The following IQCJ variants were observed in gnomAD, a reference collection of about 807,000 sequenced individuals.
IQCJ encodes IQ domain-containing protein J.
A neutral mutation model predicts 11.0 loss-of-function variants in IQCJ; 9 were observed. The ratio of observed to expected loss-of-function variants is 0.82; its 90% CI spans 0.49 to 1.43. The LOEUF (loss-of-function observed/expected upper bound fraction) is 1.43. Among genes scored for constraint, IQCJ ranks in the 40% most tolerant of loss-of-function variants. The pLI, the probability that IQCJ is intolerant of heterozygous loss-of-function variation, is 0.00. For synonymous variants in IQCJ, 55 were observed against 51.3 expected (o/e 1.07, Z -0.31); for missense variants, 146 against 133.2 (o/e 1.10, Z -0.47).
chr3:159,216,810 A>G (rs1725260575), intron 1 of IQCJ, among the ~76,000 whole-genome samples: 1 of 152,194 alleles, frequency 6.6e-6, no homozygotes, highest in Non-Finnish European at 1.5e-5. Context: ...CCTTGAAGTT[A>G]TCTTTAAAAA....
chr3:159,085,627 G>A lies in IQCJ; in HGVS notation c.9+16186G>A, dbSNP rs545418417. On this transcript the variant is annotated intron_variant, in intron 1 of 3. Transcript: ENST00000397832. ...TTGCCATTCTAACTGGTGTGAGATG[G>A]TATCTCAATGTGGTTTTGATTTGCA... Among the ~76,000 whole-genome samples the A allele has an allele frequency of 3.1e-4, 45 of 146,828 alleles. 1 individual carries two copies. The South Asian group carries it at 4.8e-3, about 16-fold the overall frequency.
chr3:159,162,457 T>A (rs554721626), intron 1 of IQCJ, among the ~76,000 whole-genome samples: 4,388 of 152,278 alleles, frequency 0.029, 204 homozygotes, highest in African/African-American at 0.1. Context: ...TTTCTAGATA[T>A]ACAATCATGT....
chr3:159,188,305 A>T lies in IQCJ; in HGVS notation c.10-57538A>T, dbSNP rs148882431. 2.7e-3 allele frequency among the ~76,000 whole-genome samples: 412 copies of T among 152,084 alleles called. 1 individual carries two copies. The Middle Eastern group carries it at 0.031, about 11-fold the overall frequency. On this transcript the variant is annotated intron_variant, in intron 1 of 3. Coordinates refer to ENST00000397832, the MANE Select transcript of IQCJ (RefSeq NM_001042706.3). ...CACGCCTGTAATCCCAGCTACTTGG[A>T]AGGCTGAGGTAGGAGAATTGCTTGA...
At chr3:159,116,604 C>G (rs1247688426) in intron 1 of IQCJ, among the ~76,000 whole-genome samples, 1 of 115,014 alleles carries the variant, frequency 8.7e-6, no homozygotes, top group Non-Finnish European at 1.8e-5. Flanking sequence ...TTTTAGCATC[C>G]TGCTCATATG....
intron 1 of IQCJ, among the ~76,000 whole-genome samples, chr3:159,245,457 TC>T (rs1418982131): frequency 1.4e-5 from 2 of 146,014 alleles, no homozygotes; most frequent in African/African-American, 2.6e-5. Context: ...AGTCCTGAAT[TC>T]TTTTTTTTTT....
rs578157296 is a variant in IQCJ at position 159,263,551 on chromosome 3, G to A, written c.*820G>A. 6 of 985,266 alleles carry A rather than the reference G, an allele frequency of 6.1e-6. No individual in the cohort carries two copies. Among genetic ancestry groups the A allele is most frequent in the East Asian group, 1.1e-4 (1 of 8,820 alleles). The allele number at this position is 985,266 out of a possible 1,614,324, so 61.0% of individuals were successfully genotyped here. A position where few individuals can be genotyped will look rare whatever the true frequency, so the allele number is the denominator to read the frequency against. ...ATAATTTGTAACCAGTCACTGAAAT[G>A]CTGAAAAGTTAGAGAAATGAAGTAA... is the stretch of plus-strand genomic sequence containing the variant. On this transcript the variant is annotated 3_prime_UTR_variant, in exon 4 of 4. Coordinates refer to ENST00000397832, the MANE Select transcript of IQCJ (RefSeq NM_001042706.3).
At chr3:159,212,970 T>G (rs1725033431) in intron 1 of IQCJ, among the ~76,000 whole-genome samples, 1 of 152,200 alleles carries the variant, frequency 6.6e-6, no homozygotes, top group Admixed American at 6.5e-5. Context: ...TTCTTTCTTT[T>G]TTTCTTTTTG....
chr3:159,115,208 A>G (rs975093302), intron 1 of IQCJ, among the ~76,000 whole-genome samples: 2 of 152,074 alleles, frequency 1.3e-5, no homozygotes, highest in Non-Finnish European at 2.9e-5. Flanking sequence ...TCCGTTTTGG[A>G]TTTGTGAAGG....
chr3:159,071,109 T>C (rs1715534609), intron 1 of IQCJ, among the ~76,000 whole-genome samples: 1 of 151,970 alleles, frequency 6.6e-6, no homozygotes, highest in Non-Finnish European at 1.5e-5. Flanking sequence ...TTATCACATA[T>C]AGAGCTGTGT....
Position 159,167,221 on chromosome 3 carries a change from T to C in IQCJ, c.10-78622T>C, listed in dbSNP as rs569599464. ...CTACTGTGAAATTCTTGTACTTCTATAGCTTTTTATAACATGAGTTTTCAT... is the reference window on the plus strand; with the variant it reads ...CTACTGTGAAATTCTTGTACTTCTACAGCTTTTTATAACATGAGTTTTCAT... On this transcript the variant is annotated intron_variant, in intron 1 of 3. Coordinates refer to ENST00000397832, the MANE Select transcript of IQCJ (RefSeq NM_001042706.3). Among the ~76,000 whole-genome samples the C allele has an allele frequency of 5.8e-4, 89 of 152,328 alleles. 2 individuals are homozygous for C. Among genetic ancestry groups the C allele is most frequent in the Admixed American group, 5.1e-3 (78 of 15,292 alleles).
intron 2 of IQCJ, among the ~76,000 whole-genome samples, chr3:159,248,660 G>C (rs1175614009): frequency 6.6e-6 from 1 of 152,144 alleles, no homozygotes; most frequent in African/African-American, 2.4e-5. Context: ...TGAGGCCCTG[G>C]AATCAGTATT....
At chr3:159,263,904 C>T (rs1462965310), downstream of IQCJ, among the ~76,000 whole-genome samples, 1 of 152,144 alleles carries the variant, frequency 6.6e-6, no homozygotes. Context: ...AATGGCTTAT[C>T]CTAACTGACC....
At position 159,156,749 on chromosome 3, in the gene IQCJ, T is replaced by A. The variant is rs985841751; in HGVS notation, c.9+87308T>A. On this transcript the variant is annotated intron_variant, in intron 1 of 3. Transcript: ENST00000397832. The stretch of plus-strand genomic sequence containing the variant: ...CCACTTTTGCATACCCTTAAGTTCA[T>A]GCATAAAATTTTCTTTAGAAGAAGG... 2.6e-5 allele frequency among the ~76,000 whole-genome samples: 4 copies of A among 152,156 alleles called. No homozygotes were observed. The East Asian group carries it at 7.7e-4, about 29-fold the overall frequency.
intron 1 of IQCJ, among the ~76,000 whole-genome samples, chr3:159,135,597 C>G (rs974752707): frequency 6.6e-5 from 10 of 152,184 alleles, no homozygotes; most frequent in Admixed American, 4.6e-4. Flanking sequence ...TCCTCCATCA[C>G]TGGGTACATC....
chr3:159,209,066 C>A (rs1180775424), intron 1 of IQCJ, among the ~76,000 whole-genome samples: 1 of 152,154 alleles, frequency 6.6e-6, no homozygotes, highest in Non-Finnish European at 1.5e-5. Flanking sequence ...AATTCACATC[C>A]CTGTTTTCCC....
rs750408957 is a variant in IQCJ at position 159,252,703 on chromosome 3, T to C, written c.75-24T>C. The C allele has an allele frequency of 2.5e-6, 4 of 1,605,018 alleles. No homozygotes were observed. The African/African-American group carries it at 4.0e-5, about 16-fold the overall frequency. On this transcript the variant is annotated intron_variant, in intron 2 of 3. Transcript: ENST00000397832. ...TGTTAACCTTCTGGATTGGGAGATA[T>C]TGAGACATTATTTCTGTTTCTAGTC... is the stretch of plus-strand genomic sequence containing the variant.
chr3:159,250,297 A>G (rs1727520345), intron 2 of IQCJ, among the ~76,000 whole-genome samples: 1 of 152,218 alleles, frequency 6.6e-6, no homozygotes, highest in Admixed American at 6.5e-5. Flanking sequence ...TATTTTCTTT[A>G]TGAAAACATT....
intron 1 of IQCJ, among the ~76,000 whole-genome samples, chr3:159,243,374 A>G (rs1306529404): frequency 1.3e-5 from 2 of 152,186 alleles, no homozygotes; most frequent in East Asian, 3.8e-4. Context: ...ACACAATTAG[A>G]ATGCCCATTA....
chr3:159,111,938 T>C (rs1297290286), intron 1 of IQCJ, among the ~76,000 whole-genome samples: 3 of 152,334 alleles, frequency 2.0e-5, no homozygotes, highest in Admixed American at 2.0e-4. Context: ...AATGTGACAT[T>C]GTGTCTTGGG....
Sources: allele counts gnomAD v4.1 joint callset (sites outside exome capture counted in the v4.1 genomes callset), GRCh38; gene constraint gnomAD v4.1.1; transcripts MANE v1.5; gene names NCBI Gene and HGNC (gene_info 2026-07-23, HGNC 2026-07-21).